The following SIPA1L3 variants were observed in gnomAD, a reference collection of about 807,000 sequenced individuals.
SIPA1L3 encodes the protein signal induced proliferation associated 1 like 3.
A neutral mutation model predicts 150.1 loss-of-function variants in SIPA1L3; 59 were observed. The observed-to-expected ratio is 0.39, with a 90% CI of 0.32 to 0.49. The LOEUF is 0.49. Among genes scored for constraint, SIPA1L3 ranks in the 20% least tolerant of loss-of-function variants. SIPA1L3 has a pLI of 0.86. For synonymous variants in SIPA1L3, 1,070 were observed against 1,077.6 expected, an observed-to-expected ratio of 0.99 and a Z score of 0.14; for missense variants, 2,211 against 2,489.5, an observed-to-expected ratio of 0.89 and a Z score of 2.38.
At chr19:37,942,915 G>A (rs73031215) in intron 1 of SIPA1L3, among the ~76,000 whole-genome samples, 22,758 of 151,726 alleles carry the variant, frequency 0.15, 1,933 homozygotes, top group Middle Eastern at 0.28. Flanking sequence ...GTAGAGACAG[G>A]TTTTCCAGGC....
chr19:38,077,190 C>T (rs566716984), intron 2 of SIPA1L3, among the ~76,000 whole-genome samples: 11 of 152,268 alleles, frequency 7.2e-5, no homozygotes, highest in African/African-American at 2.6e-4. Flanking sequence ...GTGCCTCACA[C>T]CTGTAATCCC....
intron 14 of SIPA1L3, 28 bp downstream of exon 14, chr19:38,162,399 C>G: frequency 1.3e-6 from 2 of 1,571,258 alleles, no homozygotes; most frequent in Non-Finnish European, 1.8e-6. Context: ...CCTGCCCTAC[C>G]GGGGGAGCCA....
intron 10 of SIPA1L3, among the ~76,000 whole-genome samples, chr19:38,133,718 T>TTTGACCCTAGG (rs1283059953): frequency 6.6e-6 from 1 of 152,204 alleles, no homozygotes; most frequent in African/African-American, 2.4e-5. Context: ...CCTTGTTACC[T>TTTGACCCTAGG]TTGACCCTAG....
Position 38,164,886 on chromosome 19 carries a change from A to C in SIPA1L3, c.4188A>C (p.Arg1396=). Residue 1396 remains arginine (R), a synonymous_variant, in exon 15 of 22, where the codon CGA becomes CGC. Transcript: ENST00000222345. This position sits in a 1 kb window ranked among gnomAD's most constrained non-coding sequence, Gnocchi z 4.1. ...CCACGGGACTGGCGGGGGGCAGCCG[A>C]GACCCACCGAGGCAGCCCAGGTAAG... is the stretch of plus-strand genomic sequence containing the variant. ...STPTGLAGGS[R]DPPRQPSDMG... is the part of the protein sequence containing the mutation. 2 of 1,550,334 alleles carry C rather than the reference A, an allele frequency of 1.3e-6. No homozygotes were observed. Among genetic ancestry groups the C allele is most frequent in the South Asian group, 2.4e-5 (2 of 83,078 alleles).
rs71177491 is a variant in SIPA1L3, at chr19:37,962,463, C to CTTTTTTTTTTTTTTTTT, written c.-379+55112_-379+55128dup. 2.1e-4 allele frequency among the ~76,000 whole-genome samples: 15 copies of CTTTTTTTTTTTTTTTTT among 73,096 alleles called. 2 individuals carry two copies. The highest frequency in any genetic ancestry group is 1.2e-3 in the East Asian group (2 of 1,606). 48.0% of individuals were successfully genotyped at this position (73,096 alleles called of 152,430 possible). On this transcript the variant is annotated intron_variant, in intron 1 of 21. Coordinates refer to ENST00000222345, the MANE Select transcript of SIPA1L3 (RefSeq NM_015073.3). ...TTGGCCATGAGCCACTGCAGCCGGC[C>CTTTTTTTTTTTTTTTTT]TTTTTTTTTTTTTTTTTTTTTTTGA...
At position 37,911,720 on chromosome 19, in the gene SIPA1L3, C is replaced by T. The variant is rs189108475; in HGVS notation, c.-379+4362C>T. ...TAGAGATGGGGTTTCACCGTGGTCT[C>T]GATCTCCTGACCTCGTGATCCGCCC... On this transcript the variant is annotated intron_variant, in intron 1 of 21. Coordinates refer to ENST00000222345, the MANE Select transcript of SIPA1L3 (RefSeq NM_015073.3). 6.6e-5 allele frequency among the ~76,000 whole-genome samples: 10 copies of T among 151,766 alleles called. No individual in the cohort carries two copies. The East Asian group carries it at 1.4e-3, about 21-fold the overall frequency.
At chr19:37,960,699 G>A (rs1471548262) in intron 1 of SIPA1L3, among the ~76,000 whole-genome samples, 1 of 151,442 alleles carries the variant, frequency 6.6e-6, no homozygotes, top group South Asian at 2.1e-4. Flanking sequence ...GAGCCACTGC[G>A]CCCAGCCTCA....
chr19:38,157,513 G>A (rs988504176), intron 13 of SIPA1L3, among the ~76,000 whole-genome samples: 1 of 152,182 alleles, frequency 6.6e-6, no homozygotes, highest in African/African-American at 2.4e-5. Context: ...CTCACCCACA[G>A]AGTGTGAGCG....
Position 38,205,043 on chromosome 19 carries a change from C to T in SIPA1L3, c.5202+835C>T, listed in dbSNP as rs544784270. 3.9e-5 allele frequency among the ~76,000 whole-genome samples: 6 copies of T among 152,134 alleles called. No individual in the cohort carries two copies. In the South Asian group the frequency reaches 8.3e-4, roughly 21 times the overall value. ...CCAGTAACTTACATAAAAACCAAAG[C>T]GAGCTGCAGCAGTGTTGTCTAGAAT... On this transcript the variant is annotated intron_variant, in intron 21 of 21. Coordinates refer to ENST00000222345, the MANE Select transcript of SIPA1L3 (RefSeq NM_015073.3).
At chr19:37,975,128 G>C (rs1967044461) in intron 1 of SIPA1L3, among the ~76,000 whole-genome samples, 1 of 152,232 alleles carries the variant, frequency 6.6e-6, no homozygotes, top group South Asian at 2.1e-4. Flanking sequence ...CCCGGCCGTC[G>C]TGGAACTGAC....
intron 13 of SIPA1L3, among the ~76,000 whole-genome samples, chr19:38,156,115 T>C (rs531054458): frequency 6.6e-6 from 1 of 152,146 alleles, no homozygotes; most frequent in African/African-American, 2.4e-5. Context: ...GTGGTTGGGC[T>C]TCAGGGAAGC....
At position 38,193,781 on chromosome 19, in the gene SIPA1L3, G is replaced by T; in HGVS notation, c.4840+1G>T. 1 of 1,567,260 alleles carries T rather than the reference G, an allele frequency of 6.4e-7. No individual in the cohort carries two copies. On this transcript the variant is annotated splice_donor_variant, in intron 18 of 21. Coordinates refer to ENST00000222345, the MANE Select transcript of SIPA1L3 (RefSeq NM_015073.3). LOFTEE classifies it high-confidence loss of function. Reference sequence around the variant, plus strand: ...GGCAGCGGCTTTCCCGAGAAGAAATGTGAGCCTGGGCCCCCTGGGACTGGC... The same window carrying T: ...GGCAGCGGCTTTCCCGAGAAGAAATTTGAGCCTGGGCCCCCTGGGACTGGC...
Position 38,152,897 on chromosome 19 carries a change from G to A in SIPA1L3, c.3591G>A (p.Gly1197=). The part of the protein sequence containing the change: ...LSLDPHFSHD[G]TSSGDSSSGG... ...TTGATCCCCACTTCAGCCACGATGG[G>A]ACGTCCAGCGGCGACTCCTCTTCCG... The change falls in exon 13 of 22, where the codon GGG becomes GGA. Residue 1197 remains glycine, a synonymous_variant. Transcript: ENST00000222345. The A allele has an allele frequency of 6.2e-7, 1 of 1,613,756 alleles. No homozygotes were observed. The highest frequency in any genetic ancestry group is 1.1e-5 in the South Asian group (1 of 90,968).
At chr19:37,928,394 A>C (rs1209941906) in intron 1 of SIPA1L3, among the ~76,000 whole-genome samples, 1 of 152,044 alleles carries the variant, frequency 6.6e-6, no homozygotes, top group African/African-American at 2.4e-5. Flanking sequence ...AACATGGTAA[A>C]ACCCCATCTC....
intron 7 of SIPA1L3, chr19:38,108,545 C>T (rs775432043): frequency 6.6e-6 from 1 of 152,244 alleles, no homozygotes; most frequent in Non-Finnish European, 1.5e-5. Flanking sequence ...AAAGAACTAA[C>T]CATTCAACAG....
chr19:38,131,427 A>G (rs938365635), intron 10 of SIPA1L3, among the ~76,000 whole-genome samples: 1 of 151,968 alleles, frequency 6.6e-6, no homozygotes, highest in African/African-American at 2.4e-5. Context: ...CCCAGTGTAC[A>G]TGGGTGATGT....
chr19:38,011,992 A>G (rs751565596), intron 1 of SIPA1L3, among the ~76,000 whole-genome samples: 2 of 151,990 alleles, frequency 1.3e-5, no homozygotes, highest in Admixed American at 6.6e-5. Flanking sequence ...GGATTCTCCC[A>G]TGTGTCTGCA....
In SIPA1L3 at chr19:38,120,184, C is replaced by T. The variant is rs555765103; in HGVS notation, c.2868+302C>T. ...GCTTAGGTTAAAAATGTAGGCCAGG[C>T]GCCATGGCTCATACCTGTAATCTAT... On this transcript the variant is annotated intron_variant, in intron 9 of 21. Transcript: ENST00000222345. Among the ~76,000 whole-genome samples, 5 of 152,066 alleles carry T rather than the reference C, an allele frequency of 3.3e-5. No homozygotes were observed. The East Asian group carries it at 5.8e-4, about 18-fold the overall frequency.
intron 8 of SIPA1L3, among the ~76,000 whole-genome samples, chr19:38,113,267 G>C (rs545969229): frequency 1.9e-4 from 29 of 151,406 alleles, no homozygotes; most frequent in African/African-American, 6.8e-4. Context: ...ACCCTCCAGT[G>C]GTTCCTTACC....
Sources: allele counts gnomAD v4.1 joint callset (sites outside exome capture counted in the v4.1 genomes callset), GRCh38; gene constraint gnomAD v4.1.1; non-coding constraint Gnocchi (gnomAD v3.1); transcripts MANE v1.5; gene names NCBI Gene and HGNC (gene_info 2026-07-23, HGNC 2026-07-21).